ECHDC3: variants seen among roughly 807,000 people sequenced by gnomAD.
The protein encoded by ECHDC3 is enoyl-CoA hydratase domain containing 3.
ECHDC3 carries 20 observed loss-of-function variants against 17.9 expected under a neutral mutation model. The ratio of observed to expected loss-of-function variants is 1.12; its 90% CI spans 0.79 to 1.63. The LOEUF is 1.63. Among genes scored for constraint, ECHDC3 ranks in the 40% most tolerant of loss-of-function variants. ECHDC3 has a pLI of 0.00. For missense variants in ECHDC3, 407 were observed against 357.7 expected, an observed-to-expected ratio of 1.14 and a Z score of -1.11; for synonymous variants, 177 against 149.7, an observed-to-expected ratio of 1.18 and a Z score of -1.33.
chr10:11,762,260 G>A (rs60098884), intron 4 of ECHDC3, among the ~76,000 whole-genome samples: 4,992 of 152,240 alleles, frequency 0.033, 288 homozygotes, highest in African/African-American at 0.11. Flanking sequence ...CAGTGATAGG[G>A]GATGCAGGAC....
intron 3 of ECHDC3, among the ~76,000 whole-genome samples, chr10:11,752,502 A>G (rs937204066): frequency 2.6e-5 from 4 of 152,026 alleles, no homozygotes; most frequent in Non-Finnish European, 5.9e-5. Flanking sequence ...CCGATGTCAT[A>G]CCATAATCAT....
chr10:11,763,784 G>A lies in ECHDC3; in HGVS notation c.*240G>A. On this transcript the variant is annotated 3_prime_UTR_variant, in exon 5 of 5. Coordinates refer to ENST00000379215, the MANE Select transcript of ECHDC3 (RefSeq NM_024693.5). This position sits in a 1 kb window ranked among gnomAD's most constrained non-coding sequence, Gnocchi z 4.9. ...TGAACCCTGCAGCGGGCCAGCTATG[G>A]TGGGAAGCCTGGCATTTGGGGTGCT... 1 of 1,295,480 alleles carries A rather than the reference G, an allele frequency of 7.7e-7. No individual in the cohort carries two copies. Among genetic ancestry groups the A allele is most frequent in the Non-Finnish European group, 9.8e-7 (1 of 1,021,132 alleles). 80.2% of individuals were successfully genotyped at this position (1,295,480 alleles called of 1,614,324 possible).
rs191166383 is a variant in ECHDC3 at position 11,753,798 on chromosome 10, A to C, written c.391-1610A>C. Among the ~76,000 whole-genome samples the C allele has an allele frequency of 2.6e-3, 258 of 98,070 alleles. 1 individual carries two copies. Among genetic ancestry groups the C allele is most frequent in the African/African-American group, 7.9e-3 (244 of 30,988 alleles). The allele number at this position is 98,070 out of a possible 152,430, so 64.3% of individuals were successfully genotyped here. ...TTTTATTTTTATTTTTATTTGAGAC[A>C]GAGTCTCACTGTGTCACCCAGGCTA... On this transcript the variant is annotated intron_variant, in intron 3 of 4. Transcript: ENST00000379215.
chr10:11,749,491 G>A lies in ECHDC3; in HGVS notation c.293-4G>A. 10 of 1,613,888 alleles carry A rather than the reference G, an allele frequency of 6.2e-6. No homozygotes were observed. Among genetic ancestry groups the A allele is most frequent in the Non-Finnish European group, 8.5e-6 (10 of 1,179,984 alleles). On this transcript the variant is annotated splice_region_variant and splice_polypyrimidine_tract_variant and intron_variant, in intron 2 of 4. Coordinates refer to ENST00000379215, the MANE Select transcript of ECHDC3 (RefSeq NM_024693.5). Reference sequence around the variant, plus strand: ...TTTCTTTTCTCAATTGGAAACATTTGCAGCTGAGGGGCCTGTGTTTTCTTC... The same window carrying A: ...TTTCTTTTCTCAATTGGAAACATTTACAGCTGAGGGGCCTGTGTTTTCTTC...
Position 11,755,406 on chromosome 10 carries a change from A to C in ECHDC3, c.391-2A>C. On this transcript the variant is annotated splice_acceptor_variant, in intron 3 of 4. Coordinates refer to ENST00000379215, the MANE Select transcript of ECHDC3 (RefSeq NM_024693.5). LOFTEE classifies it high-confidence loss of function. ...AATGAAGTAGGTGTGTTTGTCCCGC[A>C]GGTCATGATGCACATCCGGAACCAC... The C allele has an allele frequency of 6.2e-7, 1 of 1,604,842 alleles. No individual in the cohort carries two copies. The highest frequency in any genetic ancestry group is 8.5e-7 in the Non-Finnish European group (1 of 1,173,164).
intron 2 of ECHDC3, among the ~76,000 whole-genome samples, chr10:11,748,918 G>A (rs1832793675): frequency 6.6e-6 from 1 of 152,204 alleles, no homozygotes; most frequent in Admixed American, 6.5e-5. Flanking sequence ...AGGGAAGTAT[G>A]AGAAAATGTT....
At chr10:11,762,689 G>C (rs972913183) in intron 4 of ECHDC3, among the ~76,000 whole-genome samples, 1 of 152,182 alleles carries the variant, frequency 6.6e-6, no homozygotes, top group Non-Finnish European at 1.5e-5. Context: ...TTACCGATTG[G>C]TGAGTTAAAA....
chr10:11,761,343 C>T (rs961729043), intron 4 of ECHDC3, among the ~76,000 whole-genome samples: 2 of 152,174 alleles, frequency 1.3e-5, no homozygotes, highest in Non-Finnish European at 1.5e-5. Context: ...GCAGAACATC[C>T]TGCAATGCAC....
At chr10:11,750,526 G>A (rs1832812102) in intron 3 of ECHDC3, among the ~76,000 whole-genome samples, 1 of 152,156 alleles carries the variant, frequency 6.6e-6, no homozygotes, top group Admixed American at 6.5e-5. Flanking sequence ...CAAAAGTTTT[G>A]GATGATTTAT....
At chr10:11,752,785 C>T (rs972294750) in intron 3 of ECHDC3, among the ~76,000 whole-genome samples, 1 of 152,052 alleles carries the variant, frequency 6.6e-6, no homozygotes, top group Non-Finnish European at 1.5e-5. Context: ...ATGACTTGTC[C>T]AGGATTAGGC....
chr10:11,746,804 G>A (rs536925894), intron 1 of ECHDC3, among the ~76,000 whole-genome samples: 3 of 152,056 alleles, frequency 2.0e-5, no homozygotes, highest in South Asian at 2.1e-4. Context: ...GTGTGGTGGC[G>A]GGCACCTGTA....
chr10:11,750,718 C>T lies in ECHDC3; in HGVS notation c.390+1126C>T, dbSNP rs58395867. Reference sequence around the variant, plus strand: ...TGAAACTGAAAATCTATTTGGGAAACAACACATATAAAATGGTTTCATAAC... The same window carrying T: ...TGAAACTGAAAATCTATTTGGGAAATAACACATATAAAATGGTTTCATAAC... On this transcript the variant is annotated intron_variant, in intron 3 of 4. Coordinates refer to ENST00000379215, the MANE Select transcript of ECHDC3 (RefSeq NM_024693.5). Among the ~76,000 whole-genome samples the T allele has an allele frequency of 4.6e-4, 70 of 152,304 alleles. No homozygotes were observed. In the East Asian group the frequency reaches 0.013, roughly 28 times the overall value.
chr10:11,755,892 G>C (rs181452924), intron 4 of ECHDC3, among the ~76,000 whole-genome samples: 1 of 152,338 alleles, frequency 6.6e-6, no homozygotes, highest in Admixed American at 6.5e-5. Flanking sequence ...TAGGTTTGCC[G>C]ATTAGTTTTG....
Position 11,749,562 on chromosome 10 carries a change from C to T in ECHDC3, c.360C>T (p.Tyr120=). The T allele has an allele frequency of 6.2e-7, 1 of 1,614,092 alleles. No individual in the cohort carries two copies. ...TGACAGAGGAGCAAGGCCGTGATTA[C>T]CATGCCGAAGTATTTCAGACCTGTT... The part of the protein sequence containing the change: ...KELTEEQGRD[Y]HAEVFQTCSK... The change falls in exon 3 of 5, where the codon TAC becomes TAT. Residue 120 remains tyrosine, a synonymous_variant. Transcript: ENST00000379215.
At chr10:11,748,551 A>G (rs1214019555) in intron 2 of ECHDC3, among the ~76,000 whole-genome samples, 1 of 152,038 alleles carries the variant, frequency 6.6e-6, no homozygotes, top group East Asian at 1.9e-4. Flanking sequence ...CTACATAATT[A>G]CCTCACTTAC....
rs531958431 is a variant in ECHDC3, at chr10:11,763,158, C to T, written c.592-66C>T. 1.6e-5 allele frequency: 11 copies of T among 669,490 alleles called. No individual in the cohort carries two copies. Among genetic ancestry groups the T allele is most frequent in the East Asian group, 5.2e-5 (2 of 38,606 alleles). The allele number at this position is 669,490 out of a possible 1,614,324, so 41.5% of individuals were successfully genotyped here. On this transcript the variant is annotated intron_variant, in intron 4 of 4. Coordinates refer to ENST00000379215, the MANE Select transcript of ECHDC3 (RefSeq NM_024693.5). This position sits in a 1 kb window ranked among gnomAD's most constrained non-coding sequence, Gnocchi z 4.9. Reference sequence around the variant, plus strand: ...GAGGAAGCAGGTCATTGAGCCGAGGCGGGACTCAGGTGGCGGGGGCGGGTC... The same window carrying T: ...GAGGAAGCAGGTCATTGAGCCGAGGTGGGACTCAGGTGGCGGGGGCGGGTC...
chr10:11,763,493 C>A lies in ECHDC3; in HGVS notation c.861C>A (p.Ile287=). The part of the protein sequence containing the change: ...NLALRDGQEG[I]TAFLQKRKPV... ...CCCTGCGGGACGGGCAGGAGGGCAT[C>A]ACGGCCTTCCTCCAGAAGAGAAAAC... Residue 287 remains isoleucine (I), a synonymous_variant, in exon 5 of 5, where the codon ATC becomes ATA. Transcript: ENST00000379215. The surrounding 1 kb of genome is among the most constrained non-coding windows in gnomAD (Gnocchi z 4.9). 3.1e-6 allele frequency: 4 copies of A among 1,277,946 alleles called. No individual in the cohort carries two copies. Among genetic ancestry groups the A allele is most frequent in the Non-Finnish European group, 4.5e-6 (4 of 890,160 alleles). 79.2% of individuals were successfully genotyped at this position (1,277,946 alleles called of 1,614,324 possible).
Position 11,763,276 on chromosome 10 carries a change from T to TAA in ECHDC3, c.644_645insAA (p.Leu216SerfsTer29). On this transcript the variant is annotated frameshift_variant, in exon 5 of 5. Transcript: ENST00000379215. LOFTEE classifies it high-confidence loss of function. The surrounding 1 kb of genome is among the most constrained non-coding windows in gnomAD (Gnocchi z 4.9). ...GAGCCCATTTCTGCCCAGGAGGCCC[T>TAA]GCTCCACGGGCTGCTTAGCAAGGTG... 1 of 780,326 alleles carries TAA rather than the reference T, an allele frequency of 1.3e-6. No homozygotes were observed. Among genetic ancestry groups the TAA allele is most frequent in the Middle Eastern group, 2.3e-4 (1 of 4,442 alleles). 48.3% of individuals were successfully genotyped at this position (780,326 alleles called of 1,614,324 possible).
chr10:11,755,154 T>G (rs930383334), intron 3 of ECHDC3, among the ~76,000 whole-genome samples: 3 of 151,768 alleles, frequency 2.0e-5, no homozygotes, highest in Non-Finnish European at 4.4e-5. Context: ...AACCCCATCT[T>G]TACTAAAAAT....
Sources: allele counts gnomAD v4.1 joint callset (sites outside exome capture counted in the v4.1 genomes callset), GRCh38; gene constraint gnomAD v4.1.1; non-coding constraint Gnocchi (gnomAD v3.1); transcripts MANE v1.5; gene names NCBI Gene and HGNC (gene_info 2026-07-23, HGNC 2026-07-21).